The following TMCC1 variants were observed in gnomAD, a reference collection of about 807,000 sequenced individuals.
TMCC1 encodes the protein transmembrane and coiled-coil domains protein 1.
In TMCC1, 15 loss-of-function variants were observed where a neutral mutation model predicts 52.4. That is an observed-to-expected ratio of 0.29 (90% CI 0.19 to 0.44). The LOEUF is 0.44. Among genes scored for constraint, TMCC1 ranks in the 20% least tolerant of loss-of-function variants. The probability of loss-of-function intolerance (pLI) is 1.00; values close to 1 mark genes in which losing one functional copy is unlikely to be tolerated. For missense variants in TMCC1, 503 were observed against 806.0 expected (o/e 0.62, Z 4.55); for synonymous variants, 279 against 301.9 (o/e 0.92, Z 0.79).
rs767733865 is a variant in TMCC1, at chr3:129,851,460, T to C, written c.-183-18634A>G. ...CAAGCAACTTAGTTATTAAAGACAA[T>C]GTAACAAAAATTCAGTCTATTTTAA... On this transcript the variant is annotated intron_variant, in intron 2 of 6. Coordinates refer to ENST00000393238, the MANE Select transcript of TMCC1 (RefSeq NM_001017395.5). 1.3e-5 allele frequency among the ~76,000 whole-genome samples: 2 copies of C among 152,246 alleles called. 1 individual carries two copies. The highest frequency in any genetic ancestry group is 4.1e-4 in the South Asian group (2 of 4,830).
chr3:129,855,815 G>T (rs1482829853), intron 2 of TMCC1, among the ~76,000 whole-genome samples: 1 of 152,136 alleles, frequency 6.6e-6, no homozygotes, highest in Non-Finnish European at 1.5e-5. Context: ...AAAAATAGTA[G>T]ATATTATAAT....
In TMCC1 at chr3:129,893,602, C is replaced by A. The variant is rs1013641111; in HGVS notation, c.-543G>T. On this transcript the variant is annotated 5_prime_UTR_variant, in exon 1 of 7. Coordinates refer to ENST00000393238, the MANE Select transcript of TMCC1 (RefSeq NM_001017395.5). ...GCACCCGGTCCATCCCCCACAACCACCCCCCCCTCCCGACCCTCCCCCCGC... is the reference window on the plus strand; with the variant it reads ...GCACCCGGTCCATCCCCCACAACCAACCCCCCCTCCCGACCCTCCCCCCGC... 2.7e-5 allele frequency: 4 copies of A among 150,360 alleles called. No individual in the cohort carries two copies. Among genetic ancestry groups the A allele is most frequent in the Admixed American group, 2.7e-4 (4 of 15,072 alleles). The allele number at this position is 150,360 out of a possible 1,614,324, so 9.3% of individuals were successfully genotyped here. A position where few individuals can be genotyped will look rare whatever the true frequency, so the allele number is the denominator to read the frequency against.
chr3:129,671,416 C>T (rs1418064415), intron 4 of TMCC1, 152 bp from the exon 5 acceptor site: 2 of 772,858 alleles, frequency 2.6e-6, no homozygotes, highest in African/African-American at 1.8e-5. Flanking sequence ...GCCCTGTCTC[C>T]CTCTTACATA....
intron 2 of TMCC1, chr3:129,847,416 C>T (rs2059714719): frequency 6.6e-6 from 1 of 152,164 alleles, no homozygotes; most frequent in Non-Finnish European, 1.5e-5. Flanking sequence ...GAAGTTAGTT[C>T]TCCAAGTACA....
At chr3:129,882,342 TA>T (rs372196917) in intron 1 of TMCC1, among the ~76,000 whole-genome samples, 2,075 of 143,300 alleles carry the variant, frequency 0.014, 42 homozygotes, top group African/African-American at 0.043. Flanking sequence ...TAGCTATGAT[TA>T]AAAAAAAAAA....
At chr3:129,800,263 T>G (rs932867746) in intron 4 of TMCC1, among the ~76,000 whole-genome samples, 13 of 152,222 alleles carry the variant, frequency 8.5e-5, no homozygotes, top group Non-Finnish European at 1.5e-4. Flanking sequence ...CTGTATCTAT[T>G]TTTTCTCTAT....
intron 4 of TMCC1, among the ~76,000 whole-genome samples, chr3:129,717,680 A>C (rs1207455312): frequency 6.6e-6 from 1 of 152,202 alleles, no homozygotes; most frequent in Non-Finnish European, 1.5e-5. Context: ...CATACCTTAC[A>C]TCCAACCTGC....
At chr3:129,690,111 T>TA (rs1321555680) in intron 4 of TMCC1, among the ~76,000 whole-genome samples, 1 of 152,228 alleles carries the variant, frequency 6.6e-6, no homozygotes, top group Non-Finnish European at 1.5e-5. Flanking sequence ...AAACCGCTAT[T>TA]ACCACTGTGA....
At chr3:129,865,266 A>C (rs1192422977) in intron 2 of TMCC1, among the ~76,000 whole-genome samples, 1 of 151,638 alleles carries the variant, frequency 6.6e-6, no homozygotes, top group Non-Finnish European at 1.5e-5. Flanking sequence ...GGCTCAAGAG[A>C]TCTTCCCACC....
chr3:129,808,719 T>C (rs905165522), intron 4 of TMCC1, among the ~76,000 whole-genome samples: 16 of 150,722 alleles, frequency 1.1e-4, no homozygotes, highest in Admixed American at 6.6e-4. Flanking sequence ...GAAATATAAC[T>C]AAAATTTTAA....
chr3:129,663,938 A>C (rs1373981017), intron 5 of TMCC1, among the ~76,000 whole-genome samples: 1 of 152,168 alleles, frequency 6.6e-6, no homozygotes, highest in Non-Finnish European at 1.5e-5. Context: ...TTACAGAGGG[A>C]GAAACTGAGG....
intron 4 of TMCC1, among the ~76,000 whole-genome samples, chr3:129,727,601 T>A (rs2050205565): frequency 6.6e-6 from 1 of 152,222 alleles, no homozygotes; most frequent in South Asian, 2.1e-4. Context: ...CCTTCTTAGA[T>A]AATGGAGTCT....
chr3:129,887,977 A>G (rs2061795858), intron 1 of TMCC1, among the ~76,000 whole-genome samples: 1 of 152,254 alleles, frequency 6.6e-6, no homozygotes, highest in Non-Finnish European at 1.5e-5. Flanking sequence ...ACACGAGACG[A>G]CTTCAGGAAG....
At chr3:129,696,791 A>G (rs1235642386) in intron 4 of TMCC1, among the ~76,000 whole-genome samples, 1 of 152,240 alleles carries the variant, frequency 6.6e-6, no homozygotes, top group Admixed American at 6.5e-5. Context: ...TACAGGCCCC[A>G]TACAAGTCCA....
Position 129,841,405 on chromosome 3 carries a change from G to T in TMCC1, c.-183-8579C>A, listed in dbSNP as rs1337941840. Among the ~76,000 whole-genome samples, 3 of 152,264 alleles carry T rather than the reference G, an allele frequency of 2.0e-5. No individual in the cohort carries two copies. The East Asian group carries it at 5.8e-4, about 29-fold the overall frequency. On this transcript the variant is annotated intron_variant, in intron 2 of 6. Transcript: ENST00000393238. ...AGTTCGAGACCAATCTGGCCAATAT[G>T]GTGAAACTCCGTTTCCACTAAAAAT...
intron 4 of TMCC1, among the ~76,000 whole-genome samples, chr3:129,803,941 G>T (rs1372572606): frequency 6.6e-6 from 1 of 152,040 alleles, no homozygotes; most frequent in Non-Finnish European, 1.5e-5. Flanking sequence ...AACACTAAAT[G>T]AAATAATTAT....
intron 4 of TMCC1, among the ~76,000 whole-genome samples, chr3:129,797,329 C>CAA (rs534195938): frequency 5.3e-4 from 62 of 116,086 alleles, no homozygotes; most frequent in African/African-American, 1.5e-3. Context: ...CCATCTCAAA[C>CAA]AAAAAAAAAA....
In TMCC1 at chr3:129,693,837, T is replaced by C. The variant is rs371168407; in HGVS notation, c.577-22573A>G. Among the ~76,000 whole-genome samples the C allele has an allele frequency of 6.6e-5, 10 of 152,356 alleles. No homozygotes were observed. The East Asian group carries it at 1.3e-3, about 21-fold the overall frequency. Reference sequence around the variant, plus strand: ...AACATACTGAGTTTTCCTTAACTTATGGCAATACTGTTATTTGCATAGGAT... The same window carrying C: ...AACATACTGAGTTTTCCTTAACTTACGGCAATACTGTTATTTGCATAGGAT... On this transcript the variant is annotated intron_variant, in intron 4 of 6. Coordinates refer to ENST00000393238, the MANE Select transcript of TMCC1 (RefSeq NM_001017395.5).
chr3:129,759,756 C>T (rs1456236807), intron 4 of TMCC1, among the ~76,000 whole-genome samples: 4 of 106,642 alleles, frequency 3.8e-5, no homozygotes, highest in Non-Finnish European at 6.8e-5. Flanking sequence ...GAGTGTCGTT[C>T]TGTCACCCAG....
Sources: allele counts gnomAD v4.1 joint callset (sites outside exome capture counted in the v4.1 genomes callset), GRCh38; gene constraint gnomAD v4.1.1; transcripts MANE v1.5; gene names NCBI Gene and HGNC (gene_info 2026-07-23, HGNC 2026-07-21).